PTPRT: variants seen among roughly 807,000 people sequenced by gnomAD.
PTPRT encodes protein tyrosine phosphatase receptor type T, also known as receptor-type tyrosine-protein phosphatase T.
Under a neutral mutation model 176.8 loss-of-function variants are expected in PTPRT, and 56 were observed. The ratio of observed to expected loss-of-function variants is 0.32; its 90% CI spans 0.26 to 0.40. The LOEUF is 0.40. PTPRT is among the 10% of genes least tolerant of loss of function. PTPRT has a pLI of 1.00. For synonymous variants in PTPRT, 783 were observed against 739.0 expected (o/e 1.06, Z -0.96); for missense variants, 1,540 against 1,908.2 (o/e 0.81, Z 3.60).
At chr20:42,614,032 T>C (rs539755548) in intron 7 of PTPRT, among the ~76,000 whole-genome samples, 1 of 151,894 alleles carries the variant, frequency 6.6e-6, no homozygotes, top group African/African-American at 2.4e-5. Flanking sequence ...ATCCTATTGT[T>C]CTAGAAACTG....
At chr20:42,116,022 A>T (rs1308533244) in intron 21 of PTPRT, 18 of 719,884 alleles carry the variant, frequency 2.5e-5, no homozygotes, top group Non-Finnish European at 4.1e-5. Flanking sequence ...CCCTTAAAAG[A>T]ACAAAAGCAT....
intron 9 of PTPRT, among the ~76,000 whole-genome samples, chr20:42,374,637 A>T (rs2145611181): frequency 6.6e-6 from 1 of 152,348 alleles, no homozygotes; most frequent in East Asian, 1.9e-4. Context: ...CATGAACAGG[A>T]AATTCACCAA....
At chr20:42,883,231 T>A (rs1488403186) in intron 2 of PTPRT, among the ~76,000 whole-genome samples, 13 of 152,028 alleles carry the variant, frequency 8.6e-5, no homozygotes, top group Admixed American at 8.5e-4. Flanking sequence ...GTCCAAAGAG[T>A]TAAGTCAAGG....
chr20:42,203,323 A>G (rs1439191295), intron 15 of PTPRT, among the ~76,000 whole-genome samples: 3 of 152,184 alleles, frequency 2.0e-5, no homozygotes, highest in Non-Finnish European at 4.4e-5. Flanking sequence ...CTACCTCATT[A>G]TTTTTCTCTC....
intron 13 of PTPRT, among the ~76,000 whole-genome samples, chr20:42,261,375 T>A (rs1357869817): frequency 6.6e-6 from 1 of 152,178 alleles, no homozygotes; most frequent in Non-Finnish European, 1.5e-5. Context: ...TGACTTTATC[T>A]AAACTAATTA....
chr20:42,649,804 C>A (rs1474438261), intron 7 of PTPRT, among the ~76,000 whole-genome samples: 8 of 152,138 alleles, frequency 5.3e-5, no homozygotes, highest in Non-Finnish European at 8.8e-5. Flanking sequence ...ACAAGAGAAC[C>A]TCTTTGCATT....
chr20:42,613,243 G>A (rs2074004930), intron 7 of PTPRT, among the ~76,000 whole-genome samples: 1 of 152,130 alleles, frequency 6.6e-6, no homozygotes, highest in Non-Finnish European at 1.5e-5. Context: ...ATTCACACCA[G>A]GTGATGCCAT....
intron 1 of PTPRT, among the ~76,000 whole-genome samples, chr20:43,030,931 G>T (rs1449573022): frequency 6.6e-6 from 1 of 152,170 alleles, no homozygotes; most frequent in Admixed American, 6.5e-5. Context: ...CAAGAAGGAG[G>T]TTTACTGAGG....
intron 26 of PTPRT, among the ~76,000 whole-genome samples, chr20:42,100,212 A>T (rs921845326): frequency 1.3e-5 from 2 of 152,204 alleles, no homozygotes; most frequent in African/African-American, 4.8e-5. Flanking sequence ...TAAACGCTCT[A>T]TTAGGCCAGC....
At chr20:42,555,039 A>T (rs912381072) in intron 7 of PTPRT, among the ~76,000 whole-genome samples, 2 of 152,194 alleles carry the variant, frequency 1.3e-5, no homozygotes, top group African/African-American at 2.4e-5. Flanking sequence ...TATTTCATCT[A>T]CAGAGACAGG....
intron 15 of PTPRT, among the ~76,000 whole-genome samples, chr20:42,227,157 TA>T (rs1434965449): frequency 6.9e-6 from 1 of 145,822 alleles, no homozygotes; most frequent in Non-Finnish European, 1.5e-5. Flanking sequence ...CACCTGTAGA[TA>T]AAAGGGAAGA....
At chr20:42,093,998 G>T (rs1274668283) in intron 27 of PTPRT, among the ~76,000 whole-genome samples, 1 of 152,238 alleles carries the variant, frequency 6.6e-6, no homozygotes, top group African/African-American at 2.4e-5. Context: ...TGCATTTAGA[G>T]AATCAGTTCT....
At chr20:42,811,778 A>G (rs1210330732) in intron 2 of PTPRT, among the ~76,000 whole-genome samples, 2 of 152,106 alleles carry the variant, frequency 1.3e-5, no homozygotes, top group African/African-American at 4.8e-5. Flanking sequence ...TGTGAGTCCT[A>G]TATTTATATG....
intron 1 of PTPRT, among the ~76,000 whole-genome samples, chr20:43,088,237 C>T (rs955515703): frequency 2.0e-5 from 3 of 152,032 alleles, no homozygotes; most frequent in African/African-American, 7.2e-5. Flanking sequence ...ATGAATAATA[C>T]CATCTTAGTT....
At chr20:42,129,097 G>A (rs769327316) in intron 18 of PTPRT, among the ~76,000 whole-genome samples, 49 of 152,258 alleles carry the variant, frequency 3.2e-4, no homozygotes, top group Middle Eastern at 3.4e-3. Flanking sequence ...AAGTCTTAGT[G>A]ACTTAATCAT....
intron 9 of PTPRT, among the ~76,000 whole-genome samples, chr20:42,394,042 C>CT (rs200838113): frequency 0.13 from 17,402 of 138,468 alleles, 1,398 homozygotes; most frequent in East Asian, 0.4. Context: ...TGTGACAGGT[C>CT]TTTTTTTTTT....
At chr20:43,068,287 G>C (rs541534427) in intron 1 of PTPRT, among the ~76,000 whole-genome samples, 21 of 150,032 alleles carry the variant, frequency 1.4e-4, no homozygotes, top group African/African-American at 4.9e-4. Flanking sequence ...GGCGGATCAC[G>C]AGGTCAGGAG....
chr20:42,331,924 T>C, intron 11 of PTPRT, among the ~76,000 whole-genome samples: 1 of 152,118 alleles, frequency 6.6e-6, no homozygotes. Context: ...TTTGTTAATA[T>C]TGACCCTGGA....
intron 1 of PTPRT, among the ~76,000 whole-genome samples, chr20:43,129,268 A>C (rs1057236535): frequency 1.3e-5 from 2 of 152,022 alleles, no homozygotes; most frequent in East Asian, 3.9e-4. Flanking sequence ...TCCTGATCCC[A>C]TATGTCAGGA....
Sources: gnomAD v4.1 joint callset for allele counts (sites outside exome capture counted in the v4.1 genomes callset) on GRCh38, gnomAD v4.1.1 for gene constraint, MANE v1.5 for transcripts, NCBI Gene and HGNC (gene_info 2026-07-23, HGNC 2026-07-21) for gene names.